ABCA12: variants seen among roughly 807,000 people sequenced by gnomAD.
ABCA12 encodes ATP binding cassette subfamily A member 12.
In ABCA12, 156 loss-of-function variants were observed where a neutral mutation model predicts 293.5. That is an observed-to-expected ratio of 0.53 (90% CI 0.47 to 0.61). The LOEUF is 0.61. ABCA12 is among the 20% of genes least tolerant of loss of function. The probability of loss-of-function intolerance (pLI) is 0.00; values close to 1 mark genes in which losing one functional copy is unlikely to be tolerated. For synonymous variants in ABCA12, 1,063 were observed against 1,108.0 expected (o/e 0.96, Z 0.81); for missense variants, 2,797 against 3,090.2 (o/e 0.91, Z 2.25).
rs202031511 is a variant in ABCA12, at chr2:214,942,972, C to T, written c.7389G>A (p.Val2463=). ...ATCCAATACATTGAAACTTTCCATTCACCATAATGGCCAACCTGGTACAGA... is the reference window on the plus strand; with the variant it reads ...ATCCAATACATTGAAACTTTCCATTTACCATAATGGCCAACCTGGTACAGA... ...EALCTRLAIM[V]NGKFQCIGSL... is the part of the protein sequence containing the mutation. Residue 2463 remains valine (V), a synonymous_variant, in exon 50 of 53, where the codon GTG becomes GTA. Coordinates refer to ENST00000272895, the MANE Select transcript of ABCA12 (RefSeq NM_173076.3). The T allele has an allele frequency of 1.9e-5, 30 of 1,613,560 alleles. No homozygotes were observed. The East Asian group carries it at 6.0e-4, about 32-fold the overall frequency.
chr2:215,003,050 GT>G (rs1220250772), intron 20 of ABCA12, among the ~76,000 whole-genome samples: 17 of 152,050 alleles, frequency 1.1e-4, no homozygotes, highest in Non-Finnish European at 2.5e-4. Context: ...ATCAAGCTGG[GT>G]TGACTATCAT....
At chr2:214,932,802 T>A (rs1217084443) in intron 52 of ABCA12, 61 bp from the exon 53 acceptor site, 10 of 1,157,916 alleles carry the variant, frequency 8.6e-6, no homozygotes, top group African/African-American at 1.6e-5. Context: ...AAAATAAAGT[T>A]AATTCATTCT....
intron 1 of ABCA12, among the ~76,000 whole-genome samples, chr2:215,114,064 T>A (rs1409202041): frequency 6.6e-6 from 1 of 152,136 alleles, no homozygotes; most frequent in East Asian, 1.9e-4. Flanking sequence ...AACCTCCGCC[T>A]CCTAGGTTCA....
At chr2:215,085,592 G>A (rs925008182) in intron 2 of ABCA12, 1 of 152,120 alleles carries the variant, frequency 6.6e-6, no homozygotes, top group African/African-American at 2.4e-5. Context: ...AACAAGACCT[G>A]GCCTAAAGTA....
chr2:215,085,473 T>A (rs1171054438), intron 2 of ABCA12: 1 of 152,212 alleles, frequency 6.6e-6, no homozygotes, highest in Non-Finnish European at 1.5e-5. Flanking sequence ...CAGAGTAATA[T>A]TTTTGAGATT....
At chr2:215,082,043 CTTT>C (rs549072917) in intron 2 of ABCA12, among the ~76,000 whole-genome samples, 3 of 113,160 alleles carry the variant, frequency 2.7e-5, no homozygotes, top group South Asian at 3.0e-4. Flanking sequence ...ATTGTTAATT[CTTT>C]TTTTTTTTTT....
At chr2:215,055,935 G>C (rs527936544) in intron 3 of ABCA12, among the ~76,000 whole-genome samples, 9 of 152,008 alleles carry the variant, frequency 5.9e-5, no homozygotes, top group African/African-American at 2.2e-4. Flanking sequence ...TTCTCAAAAA[G>C]AAGTTTTAGA....
chr2:215,131,921 C>G (rs1471315677), intron 1 of ABCA12, among the ~76,000 whole-genome samples: 1 of 151,704 alleles, frequency 6.6e-6, no homozygotes, highest in African/African-American at 2.4e-5. Context: ...ATCCTAGGAG[C>G]TTTGGTATGC....
intron 8 of ABCA12, among the ~76,000 whole-genome samples, chr2:215,035,530 G>A (rs947581181): frequency 1.3e-5 from 2 of 151,948 alleles, no homozygotes; most frequent in Admixed American, 6.6e-5. Context: ...GTAGCCGGGC[G>A]TGGTAGGCGC....
At chr2:215,066,377 G>C (rs557045876) in intron 2 of ABCA12, among the ~76,000 whole-genome samples, 1 of 152,042 alleles carries the variant, frequency 6.6e-6, no homozygotes, top group Non-Finnish European at 1.5e-5. Flanking sequence ...GCATGATGGC[G>C]TGGCTGAGTC....
At chr2:215,056,621 G>A (rs1701425998) in intron 3 of ABCA12, among the ~76,000 whole-genome samples, 1 of 151,980 alleles carries the variant, frequency 6.6e-6, no homozygotes, top group Admixed American at 6.6e-5. Context: ...GGTGTGGTGT[G>A]ACAGCACGTG....
At chr2:215,022,896 A>G (rs1253960243) in intron 11 of ABCA12, 3 of 152,180 alleles carry the variant, frequency 2.0e-5, no homozygotes, top group African/African-American at 7.2e-5. Flanking sequence ...ATACAGGAAC[A>G]CCCACTTTAT....
intron 2 of ABCA12, among the ~76,000 whole-genome samples, chr2:215,078,113 C>T (rs560859292): frequency 2.0e-5 from 3 of 152,340 alleles, no homozygotes; most frequent in East Asian, 1.9e-4. Flanking sequence ...GATCTCTCTT[C>T]TCGCATTTTT....
intron 7 of ABCA12, among the ~76,000 whole-genome samples, chr2:215,037,761 A>G (rs1701022101): frequency 6.6e-6 from 1 of 152,218 alleles, no homozygotes; most frequent in Non-Finnish European, 1.5e-5. Flanking sequence ...TTAGTTTCTC[A>G]AAACATGTCT....
chr2:214,948,077 T>C (rs1698637244), intron 47 of ABCA12: 1 of 179,664 alleles, frequency 5.6e-6, no homozygotes, highest in Admixed American at 5.4e-5. Context: ...GAAATCCTAG[T>C]TGAATTTAAA....
At chr2:215,022,274 T>C (rs1700647055) in intron 11 of ABCA12, 2 of 152,182 alleles carry the variant, frequency 1.3e-5, no homozygotes, top group African/African-American at 4.8e-5. Flanking sequence ...AGTATAGTCT[T>C]GGCTTAGTGA....
chr2:215,098,763 T>A (rs923648631), intron 2 of ABCA12, among the ~76,000 whole-genome samples: 1 of 152,222 alleles, frequency 6.6e-6, no homozygotes, highest in Non-Finnish European at 1.5e-5. Context: ...TAGTAAGGAC[T>A]GTCACTAAAA....
At chr2:214,959,505 A>G (rs1699054039) in intron 39 of ABCA12, among the ~76,000 whole-genome samples, 1 of 152,196 alleles carries the variant, frequency 6.6e-6, no homozygotes, top group South Asian at 2.1e-4. Context: ...CTTAAAGAGC[A>G]GACAGTTACT....
At chr2:215,011,182 T>C (rs1700363517) in intron 17 of ABCA12, among the ~76,000 whole-genome samples, 1 of 152,206 alleles carries the variant, frequency 6.6e-6, no homozygotes, top group Non-Finnish European at 1.5e-5. Context: ...GTACCTGGGT[T>C]CAAATGACAG....
Sources: allele counts gnomAD v4.1 joint callset (sites outside exome capture counted in the v4.1 genomes callset), GRCh38; gene constraint gnomAD v4.1.1; transcripts MANE v1.5; gene names NCBI Gene and HGNC (gene_info 2026-07-23, HGNC 2026-07-21).